NEBL: variants seen among roughly 807,000 people sequenced by gnomAD.
The protein encoded by NEBL is LIM and SH3 protein 2.
A neutral mutation model predicts 140.2 loss-of-function variants in NEBL; 122 were observed. The observed-to-expected ratio is 0.87, with a 90% confidence interval of 0.75 to 1.01. The LOEUF (loss-of-function observed/expected upper bound fraction) is 1.01, where lower values mean the gene tolerates loss of function less well. Ranked by LOEUF, NEBL falls within the 50% of genes least tolerant of loss-of-function variation. NEBL has a pLI of 0.00. For synonymous variants in NEBL, 436 were observed against 398.9 expected (o/e 1.09, Z -1.11); for missense variants, 1,365 against 1,231.3 (o/e 1.11, Z -1.62).
rs1835049948 is a variant in NEBL, at chr10:20,781,733, AC to A, written c.*4013del. The stretch of plus-strand genomic sequence containing the variant: ...CACAGAAGCAACATACAATGCCTTG[AC>A]TTTTTTGATCAACAGTTGACAGTTA... On this transcript the variant is annotated 3_prime_UTR_variant, in exon 28 of 28. Coordinates refer to ENST00000377122, the MANE Select transcript of NEBL (RefSeq NM_006393.3). 1 of 152,608 alleles carries A rather than the reference AC, an allele frequency of 6.6e-6. No individual in the cohort carries two copies. Among genetic ancestry groups the A allele is most frequent in the Admixed American group, 6.5e-5 (1 of 15,270 alleles). The allele number at this position is 152,608 out of a possible 1,614,324, so 9.5% of individuals were successfully genotyped here.
At chr10:21,085,748 AAAGTT>A (rs1261827369) in intron 2 of NEBL, among the ~76,000 whole-genome samples, 1 of 151,936 alleles carries the variant, frequency 6.6e-6, no homozygotes, top group Non-Finnish European at 1.5e-5. Flanking sequence ...GTGTTAAAGT[AAAGTT>A]TTGTTCTAAT....
upstream of NEBL, among the ~76,000 whole-genome samples, chr10:21,177,670 C>G (rs1841325046): frequency 6.6e-6 from 1 of 151,974 alleles, no homozygotes; most frequent in Non-Finnish European, 1.5e-5. Context: ...GCTGGGACTA[C>G]AGGTGCCCAC....
chr10:20,806,556 G>A (rs547710137), intron 26 of NEBL, among the ~76,000 whole-genome samples: 76 of 152,348 alleles, frequency 5.0e-4, no homozygotes, highest in African/African-American at 1.8e-3. Flanking sequence ...AGATGCAGCT[G>A]CGCTGTTATT....
At chr10:21,025,375 A>G (rs1838983502) in intron 2 of NEBL, among the ~76,000 whole-genome samples, 1 of 152,256 alleles carries the variant, frequency 6.6e-6, no homozygotes, top group East Asian at 1.9e-4. Flanking sequence ...CAACAAATCC[A>G]GATTTCCATA....
chr10:21,139,984 C>T (rs1469895758), intron 2 of NEBL, among the ~76,000 whole-genome samples: 2 of 66,106 alleles, frequency 3.0e-5, no homozygotes, highest in Non-Finnish European at 5.1e-5. Flanking sequence ...AACCCTGTCT[C>T]AACAAAAAAA....
intron 4 of NEBL, among the ~76,000 whole-genome samples, chr10:20,912,762 G>T (rs563749014): frequency 6.6e-6 from 1 of 151,942 alleles, no homozygotes; most frequent in Non-Finnish European, 1.5e-5. Context: ...AATTATATAC[G>T]CAGTTGTTGG....
chr10:20,800,874 C>T (rs557892691), intron 26 of NEBL, among the ~76,000 whole-genome samples: 55 of 152,236 alleles, frequency 3.6e-4, no homozygotes, highest in African/African-American at 1.2e-3. Context: ...GATTAAACCT[C>T]CAAGGAAGAG....
intron 5 of NEBL, among the ~76,000 whole-genome samples, chr10:20,872,016 T>C (rs1844988905): frequency 6.6e-6 from 1 of 152,160 alleles, no homozygotes; most frequent in Non-Finnish European, 1.5e-5. Flanking sequence ...TACATTCATA[T>C]GAAAACCGCA....
At chr10:21,108,067 A>G (rs1837804119) in intron 2 of NEBL, among the ~76,000 whole-genome samples, 1 of 151,280 alleles carries the variant, frequency 6.6e-6, no homozygotes. Flanking sequence ...TTTTCTCTTT[A>G]TTAGTCTGGC....
In NEBL at chr10:20,862,131, C is replaced by T. The variant is rs147943936; in HGVS notation, c.685-2305G>A. 5.8e-3 allele frequency among the ~76,000 whole-genome samples: 890 copies of T among 152,254 alleles called. 21 individuals carry two copies. Among genetic ancestry groups the T allele is most frequent in the Admixed American group, 0.047 (716 of 15,278 alleles). On this transcript the variant is annotated intron_variant, in intron 7 of 27. Coordinates refer to ENST00000377122, the MANE Select transcript of NEBL (RefSeq NM_006393.3). ...TTCTACTAAATGTGTATCACTTCCA[C>T]GCCATGGTAAGGTTAAACAGTCTTA... is the stretch of plus-strand genomic sequence containing the variant.
chr10:20,826,853 G>A lies in NEBL; in HGVS notation c.1777-314C>T, dbSNP rs546550181. 3.7e-4 allele frequency among the ~76,000 whole-genome samples: 57 copies of A among 152,160 alleles called. No individual in the cohort carries two copies. The South Asian group carries it at 0.011, about 30-fold the overall frequency. On this transcript the variant is annotated intron_variant, in intron 17 of 27. Transcript: ENST00000377122. ...TTCCTTTCTTCAAATATAAATATAT[G>A]TCCCATGTGTATTTGAGAAAAAGCA...
intron 1 of NEBL, among the ~76,000 whole-genome samples, chr10:21,289,835 G>A (rs1484939019): frequency 6.6e-6 from 1 of 152,172 alleles, no homozygotes; most frequent in Non-Finnish European, 1.5e-5. Flanking sequence ...CCAATCTGGT[G>A]CCTGCTTATT....
At chr10:21,157,479 G>A (rs1190101794) in intron 2 of NEBL, among the ~76,000 whole-genome samples, 1 of 152,120 alleles carries the variant, frequency 6.6e-6, no homozygotes, top group Non-Finnish European at 1.5e-5. Flanking sequence ...GCTGAGGTGG[G>A]AGGATCACTT....
At chr10:21,222,962 C>A (rs1472124348) in intron 3 of NEBL, among the ~76,000 whole-genome samples, 1 of 152,198 alleles carries the variant, frequency 6.6e-6, no homozygotes, top group East Asian at 1.9e-4. Context: ...AGGGTTACAG[C>A]ATGTTGGCCA....
chr10:21,029,321 C>G lies in NEBL; in HGVS notation c.165-9120G>C. 1.9e-6 allele frequency: 3 copies of G among 1,610,502 alleles called. 1 individual carries two copies. The South Asian group carries it at 3.3e-5, about 18-fold the overall frequency. On this transcript the variant is annotated intron_variant, in intron 2 of 6. Coordinates refer to the NEBL transcript ENST00000417816. The stretch of plus-strand genomic sequence containing the variant: ...CTAGGGAACCTATCCTATGATGTGA[C>G]AGAAGAGTCAATTAAGGAATTCTTT...
At chr10:20,970,800 G>A (rs953042071) in intron 3 of NEBL, among the ~76,000 whole-genome samples, 6 of 152,132 alleles carry the variant, frequency 3.9e-5, no homozygotes, top group African/African-American at 4.8e-5. Flanking sequence ...CTGATGGAAG[G>A]CGGAAGTCTC....
chr10:21,132,099 C>G (rs1410527174), intron 2 of NEBL, among the ~76,000 whole-genome samples: 1 of 152,008 alleles, frequency 6.6e-6, no homozygotes, highest in African/African-American at 2.4e-5. Context: ...TTTCATCACC[C>G]CAAAAAGAAA....
In NEBL at chr10:20,943,649, A is replaced by G. The variant is rs568030478; in HGVS notation, c.357+18023T>C. ...TATCACATAATCCATATAGCATAGG[A>G]AGTTATTTCTTGTTTCTTACCCACA... On this transcript the variant is annotated intron_variant, in intron 4 of 6. Coordinates refer to the NEBL transcript ENST00000417816. 2.0e-5 allele frequency among the ~76,000 whole-genome samples: 3 copies of G among 152,316 alleles called. No homozygotes were observed. In the East Asian group the frequency reaches 5.8e-4, roughly 29 times the overall value.
intron 9 of NEBL, among the ~76,000 whole-genome samples, chr10:20,856,797 TA>T (rs1375208941): frequency 1.3e-5 from 2 of 152,124 alleles, no homozygotes; most frequent in Admixed American, 6.5e-5. Flanking sequence ...GACCAATGAT[TA>T]AAAAAATAAA....
Sources: gnomAD v4.1 joint callset for allele counts (sites outside exome capture counted in the v4.1 genomes callset) on GRCh38, gnomAD v4.1.1 for gene constraint, MANE v1.5 for transcripts, NCBI Gene and HGNC (gene_info 2026-07-23, HGNC 2026-07-21) for gene names.